MAP7: variants seen among roughly 807,000 people sequenced by gnomAD.
MAP7 encodes microtubule associated protein 7.
MAP7 carries 52 observed loss-of-function variants against 94.8 expected under a neutral mutation model. The ratio of observed to expected loss-of-function variants is 0.55; its 90% CI spans 0.44 to 0.69. The LOEUF (loss-of-function observed/expected upper bound fraction) is 0.69. Among genes scored for constraint, MAP7 ranks in the 30% least tolerant of loss-of-function variants. The pLI, the probability that MAP7 is intolerant of heterozygous loss-of-function variation, is 0.00. For missense variants in MAP7, 940 were observed against 964.6 expected, an observed-to-expected ratio of 0.97 and a Z score of 0.34; for synonymous variants, 350 against 357.0, an observed-to-expected ratio of 0.98 and a Z score of 0.22.
chr6:136,464,517 G>C (rs1165312147), intron 1 of MAP7, among the ~76,000 whole-genome samples: 1 of 152,132 alleles, frequency 6.6e-6, no homozygotes, highest in South Asian at 2.1e-4. Context: ...CTTTGTCATG[G>C]GTATATATGC....
intron 3 of MAP7, among the ~76,000 whole-genome samples, chr6:136,397,720 C>T (rs1029063941): frequency 6.6e-6 from 1 of 152,176 alleles, no homozygotes; most frequent in African/African-American, 2.4e-5. Context: ...TTGGACTGCA[C>T]GGCCTCCAGA....
At chr6:136,479,811 AGTAAAACT>A (rs1250608165) in intron 1 of MAP7, among the ~76,000 whole-genome samples, 1 of 152,204 alleles carries the variant, frequency 6.6e-6, no homozygotes, top group Non-Finnish European at 1.5e-5. Flanking sequence ...GATATCTTCA[AGTAAAACT>A]GTAAAACACT....
At chr6:136,403,707 G>C (rs1471674594) in intron 3 of MAP7, among the ~76,000 whole-genome samples, 1 of 152,126 alleles carries the variant, frequency 6.6e-6, no homozygotes, top group Non-Finnish European at 1.5e-5. Flanking sequence ...GTAATTTGGG[G>C]AGAAAAAAAT....
intron 1 of MAP7, chr6:136,466,837 C>CT (rs1390852689): frequency 6.5e-7 from 1 of 1,533,154 alleles, no homozygotes; most frequent in Non-Finnish European, 8.7e-7. Flanking sequence ...TCTCCCTCTT[C>CT]TTGCTTTGTG....
chr6:136,425,722 T>A (rs1792947583), intron 1 of MAP7, among the ~76,000 whole-genome samples: 1 of 152,206 alleles, frequency 6.6e-6, no homozygotes, highest in Non-Finnish European at 1.5e-5. Context: ...GCAACACTCC[T>A]AATGACATTC....
intron 1 of MAP7, among the ~76,000 whole-genome samples, chr6:136,505,443 T>G (rs969554965): frequency 2.6e-5 from 4 of 151,556 alleles, no homozygotes; most frequent in Admixed American, 2.6e-4. Flanking sequence ...TTTGTGTGTC[T>G]GATGTAAAAG....
intron 1 of MAP7, among the ~76,000 whole-genome samples, chr6:136,495,847 C>CT (rs1818055748): frequency 6.6e-6 from 1 of 151,996 alleles, no homozygotes; most frequent in Admixed American, 6.6e-5. Flanking sequence ...GATCACAGGT[C>CT]TTGAATTTTT....
At chr6:136,366,126 A>ATT (rs1794257963) in intron 9 of MAP7, 108 bp from the exon 10 acceptor site, 2 of 1,239,564 alleles carry the variant, frequency 1.6e-6, no homozygotes, top group Middle Eastern at 2.6e-4. Flanking sequence ...AGCTCCGTGT[A>ATT]TTTGTTTTTT....
chr6:136,440,323 G>A (rs1270440639), intron 1 of MAP7, among the ~76,000 whole-genome samples: 1 of 152,174 alleles, frequency 6.6e-6, no homozygotes, highest in Non-Finnish European at 1.5e-5. Flanking sequence ...TACTGTGATA[G>A]AGATCTCTAC....
At chr6:136,360,312 A>C (rs1056167559) in intron 13 of MAP7, among the ~76,000 whole-genome samples, 1 of 151,940 alleles carries the variant, frequency 6.6e-6, no homozygotes, top group Non-Finnish European at 1.5e-5. Context: ...CGCCCAGCTA[A>C]TTTTTACATT....
At chr6:136,508,053 C>A (rs1381290548) in intron 1 of MAP7, among the ~76,000 whole-genome samples, 2 of 152,164 alleles carry the variant, frequency 1.3e-5, no homozygotes, top group Non-Finnish European at 2.9e-5. Context: ...AGGCTGGGTG[C>A]AGTGGTGAAC....
chr6:136,366,428 T>A lies in MAP7; in HGVS notation c.888A>T (p.Lys296Asn). Residue 296 changes from lysine to asparagine, a missense_variant, in exon 9 of 18, where the codon AAA (lysine) becomes AAT (asparagine). Transcript: ENST00000354570. Reference protein sequence around the residue: ...RIIHGTASYKKERERENVLFL... With the variant: ...RIIHGTASYKNERERENVLFL... ...AGAGTACATTTTCTCTCTCTCTTTCTTTTTTATAGCTCTAAGTTCAGAGAA... is the reference window on the plus strand; with the variant it reads ...AGAGTACATTTTCTCTCTCTCTTTCATTTTTATAGCTCTAAGTTCAGAGAA... 6.2e-7 allele frequency: 1 copy of A among 1,610,326 alleles called. No individual in the cohort carries two copies. The highest frequency in any genetic ancestry group is 8.5e-7 in the Non-Finnish European group (1 of 1,176,602).
intron 1 of MAP7, among the ~76,000 whole-genome samples, chr6:136,453,839 A>G (rs1801924826): frequency 6.6e-6 from 1 of 152,218 alleles, no homozygotes; most frequent in Non-Finnish European, 1.5e-5. Flanking sequence ...TGGACACTGA[A>G]GAAATAGCTT....
chr6:136,492,306 C>T (rs1444288579), intron 1 of MAP7, among the ~76,000 whole-genome samples: 2 of 152,204 alleles, frequency 1.3e-5, no homozygotes, highest in Non-Finnish European at 1.5e-5. Context: ...ACACAGTTAT[C>T]TCTAAGCCGG....
chr6:136,481,665 C>T (rs1053936760), intron 1 of MAP7, among the ~76,000 whole-genome samples: 1 of 151,958 alleles, frequency 6.6e-6, no homozygotes, highest in Admixed American at 6.6e-5. Context: ...GTTAACGGTA[C>T]AGAAAAATAA....
intron 1 of MAP7, among the ~76,000 whole-genome samples, chr6:136,549,258 G>A (rs1048893136): frequency 6.6e-6 from 1 of 152,160 alleles, no homozygotes; most frequent in Admixed American, 6.5e-5. Flanking sequence ...TGACCGTATG[G>A]AAGTGGAAAA....
intron 1 of MAP7, 41 bp from the exon 2 acceptor site, chr6:136,421,840 C>A (rs751839317): frequency 1.4e-6 from 2 of 1,467,220 alleles, no homozygotes; most frequent in Non-Finnish European, 1.9e-6. Flanking sequence ...CATTTAGTTT[C>A]TTAAAATTTC....
At chr6:136,501,350 G>T (rs1288264522) in intron 1 of MAP7, among the ~76,000 whole-genome samples, 1 of 152,190 alleles carries the variant, frequency 6.6e-6, no homozygotes, top group Non-Finnish European at 1.5e-5. Flanking sequence ...TGGAGTCAGA[G>T]GGGCCTGAAA....
In MAP7 at chr6:136,549,431, G is replaced by GA. The variant is rs201124413; in HGVS notation, c.67+910dup. ...ACGGATTTGCAAGATAGCCTCTGGAGAAAAAAAAATCACGAGGGAGAAAAA... is the reference window on the plus strand; with the variant it reads ...ACGGATTTGCAAGATAGCCTCTGGAGAAAAAAAAAATCACGAGGGAGAAAAA... On this transcript the variant is annotated intron_variant, in intron 1 of 17. Coordinates refer to ENST00000354570, the MANE Select transcript of MAP7 (RefSeq NM_003980.6). Among the ~76,000 whole-genome samples the GA allele has an allele frequency of 3.4e-3, 509 of 151,646 alleles. 3 individuals carry two copies. Among genetic ancestry groups the GA allele is most frequent in the African/African-American group, 0.011 (474 of 41,418 alleles).
Sources: allele counts gnomAD v4.1 joint callset (sites outside exome capture counted in the v4.1 genomes callset), GRCh38; gene constraint gnomAD v4.1.1; transcripts MANE v1.5; gene names NCBI Gene and HGNC (gene_info 2026-07-23, HGNC 2026-07-21).